The following EIF4G3 variants were observed in gnomAD, a reference collection of about 807,000 sequenced individuals.
EIF4G3 encodes the protein eukaryotic translation initiation factor 4 gamma 3.
Under a neutral mutation model 186.4 loss-of-function variants are expected in EIF4G3, and 34 were observed. The observed-to-expected ratio is 0.18, with a 90% CI of 0.14 to 0.24. The LOEUF is 0.24. Among genes scored for constraint, EIF4G3 ranks in the 10% least tolerant of loss-of-function variants. EIF4G3 has a pLI of 1.00. For synonymous variants in EIF4G3, 673 were observed against 679.5 expected (o/e 0.99, Z 0.15); for missense variants, 1,536 against 1,948.5 (o/e 0.79, Z 3.99).
chr1:21,163,293 G>T (rs974533560), intron 2 of EIF4G3, among the ~76,000 whole-genome samples: 6 of 152,138 alleles, frequency 3.9e-5, no homozygotes, highest in Non-Finnish European at 7.3e-5. Context: ...AAGGTCAAGT[G>T]CTCTGTAGTC....
intron 19 of EIF4G3, among the ~76,000 whole-genome samples, chr1:20,884,575 A>G (rs2083483627): frequency 6.6e-6 from 1 of 152,176 alleles, no homozygotes; most frequent in South Asian, 2.1e-4. Flanking sequence ...GAGAAGGACA[A>G]AAAAGACTTT....
intron 16 of EIF4G3, among the ~76,000 whole-genome samples, chr1:20,896,041 T>C (rs1232247636): frequency 6.6e-6 from 1 of 152,228 alleles, no homozygotes; most frequent in East Asian, 1.9e-4. Flanking sequence ...GTGATGTTGA[T>C]GATCTTGACC....
chr1:21,014,132 G>A (rs371960160), intron 4 of EIF4G3, among the ~76,000 whole-genome samples: 1 of 152,156 alleles, frequency 6.6e-6, no homozygotes, highest in East Asian at 1.9e-4. Context: ...TCATGCCACT[G>A]CACTCCAGCC....
chr1:20,823,185 T>G (rs1185321973), intron 33 of EIF4G3, among the ~76,000 whole-genome samples: 1 of 152,132 alleles, frequency 6.6e-6, no homozygotes, highest in Non-Finnish European at 1.5e-5. Context: ...GATTTGTATA[T>G]TTTATCACTT....
In EIF4G3 at chr1:20,807,547, A is replaced by G. The variant is rs2058278992; in HGVS notation, c.4745-47T>C. ...CTATAAGCTTTGGGACACTGTAGTTATGAGGAAAAGAATATATTTCAAAAT... is the reference window on the plus strand; with the variant it reads ...CTATAAGCTTTGGGACACTGTAGTTGTGAGGAAAAGAATATATTTCAAAAT... On this transcript the variant is annotated intron_variant, in intron 36 of 36. Transcript: ENST00000602326. 3 of 1,435,918 alleles carry G rather than the reference A, an allele frequency of 2.1e-6. No homozygotes were observed. The African/African-American group carries it at 4.3e-5, about 20-fold the overall frequency. 88.9% of individuals were successfully genotyped at this position (1,435,918 alleles called of 1,614,324 possible). A position where few individuals can be genotyped will look rare whatever the true frequency, so the allele number is the denominator to read the frequency against.
At chr1:20,808,109 C>A (rs972040870) in intron 36 of EIF4G3, among the ~76,000 whole-genome samples, 7 of 151,886 alleles carry the variant, frequency 4.6e-5, no homozygotes, top group African/African-American at 1.7e-4. Flanking sequence ...GTCTCGAACT[C>A]CTGACCTCAG....
chr1:21,041,015 C>T (rs2154575123), intron 4 of EIF4G3, among the ~76,000 whole-genome samples: 1 of 152,206 alleles, frequency 6.6e-6, no homozygotes, highest in South Asian at 2.1e-4. Context: ...GAAGGTACCC[C>T]TAGAGTCTCT....
At chr1:21,047,235 C>CT (rs1454051856) in intron 4 of EIF4G3, among the ~76,000 whole-genome samples, 2 of 152,180 alleles carry the variant, frequency 1.3e-5, no homozygotes, top group Non-Finnish European at 2.9e-5. Context: ...AGAGATATGA[C>CT]TAAGAAAATG....
intron 4 of EIF4G3, among the ~76,000 whole-genome samples, chr1:21,044,257 T>C (rs1402413693): frequency 6.6e-6 from 1 of 152,178 alleles, no homozygotes; most frequent in Non-Finnish European, 1.5e-5. Context: ...AATATTGTCA[T>C]TAAACACTTT....
In EIF4G3 at chr1:20,951,139, A is replaced by G. The variant is rs146431571; in HGVS notation, c.715-1028T>C. Among the ~76,000 whole-genome samples, 109 of 152,152 alleles carry G rather than the reference A, an allele frequency of 7.2e-4. 1 individual carries two copies. Among genetic ancestry groups the G allele is most frequent in the African/African-American group, 2.5e-3 (103 of 41,508 alleles). On this transcript the variant is annotated intron_variant, in intron 12 of 36. Coordinates refer to ENST00000602326, the MANE Select transcript of EIF4G3 (RefSeq NM_001391906.1). ...TGGGTGAGTGTGGGCAAACAGAGAC[A>G]CTTAAAAAGTGAGAGTTGATAAAAA...
At chr1:21,145,807 G>A (rs892488314) in intron 2 of EIF4G3, among the ~76,000 whole-genome samples, 2 of 152,166 alleles carry the variant, frequency 1.3e-5, no homozygotes, top group Non-Finnish European at 2.9e-5. Context: ...TGGGCTGGGT[G>A]TAGTGGCTCA....
At chr1:21,101,370 C>T (rs1285809270) in intron 2 of EIF4G3, among the ~76,000 whole-genome samples, 2 of 151,820 alleles carry the variant, frequency 1.3e-5, no homozygotes, top group Non-Finnish European at 2.9e-5. Flanking sequence ...GAGTTCAAGA[C>T]CAGCCTGGCC....
At chr1:21,138,351 G>T (rs1487431546) in intron 2 of EIF4G3, among the ~76,000 whole-genome samples, 5 of 152,102 alleles carry the variant, frequency 3.3e-5, no homozygotes, top group African/African-American at 9.7e-5. Flanking sequence ...AATGACCCAA[G>T]TCCCTCAAGA....
chr1:20,883,256 G>GCA (rs1367503933), intron 19 of EIF4G3, among the ~76,000 whole-genome samples: 1 of 152,114 alleles, frequency 6.6e-6, no homozygotes, highest in Non-Finnish European at 1.5e-5. Context: ...GGGTTGATTA[G>GCA]AGACCAGAAA....
At chr1:20,808,096 C>T (rs909286331) in intron 36 of EIF4G3, among the ~76,000 whole-genome samples, 4 of 151,748 alleles carry the variant, frequency 2.6e-5, no homozygotes, top group African/African-American at 9.7e-5. Context: ...GTTGGCCAGG[C>T]TGGTCTCGAA....
intron 7 of EIF4G3, among the ~76,000 whole-genome samples, chr1:20,991,898 T>TC (rs985646571): frequency 1.1e-4 from 17 of 152,222 alleles, no homozygotes; most frequent in African/African-American, 4.1e-4. Flanking sequence ...TTATTTCATT[T>TC]CAGACACTGT....
intron 10 of EIF4G3, among the ~76,000 whole-genome samples, chr1:20,975,173 T>C (rs186528309): frequency 1.3e-5 from 2 of 152,274 alleles, no homozygotes; most frequent in African/African-American, 4.8e-5. Flanking sequence ...AGTCATCCTC[T>C]AACAATGAGT....
intron 10 of EIF4G3, among the ~76,000 whole-genome samples, chr1:20,976,968 G>A (rs886474501): frequency 1.3e-5 from 2 of 151,702 alleles, no homozygotes; most frequent in African/African-American, 4.8e-5. Flanking sequence ...TATAGATAAT[G>A]AAATAGAAAG....
At chr1:21,069,658 G>A (rs574985883) in intron 3 of EIF4G3, among the ~76,000 whole-genome samples, 2 of 152,282 alleles carry the variant, frequency 1.3e-5, no homozygotes, top group East Asian at 1.9e-4. Context: ...ACACAGAAAA[G>A]TAACTTCAAA....
Sources: allele counts gnomAD v4.1 joint callset (sites outside exome capture counted in the v4.1 genomes callset), GRCh38; gene constraint gnomAD v4.1.1; transcripts MANE v1.5; gene names NCBI Gene and HGNC (gene_info 2026-07-23, HGNC 2026-07-21).